The following ECHDC3 variants were observed in gnomAD, a reference collection of about 807,000 sequenced individuals.
ECHDC3 encodes the protein enoyl-CoA hydratase domain containing 3.
Under a neutral mutation model 17.9 loss-of-function variants are expected in ECHDC3, and 20 were observed. That is an observed-to-expected ratio of 1.12 (90% CI 0.79 to 1.63). The LOEUF is 1.63. Ranked by LOEUF, ECHDC3 falls within the 40% of genes most tolerant of loss-of-function variation. The probability of loss-of-function intolerance (pLI) is 0.00; values close to 1 mark genes in which losing one functional copy is unlikely to be tolerated. For synonymous variants in ECHDC3, 177 were observed against 149.7 expected, an observed-to-expected ratio of 1.18 and a Z score of -1.33; for missense variants, 407 against 357.7, an observed-to-expected ratio of 1.14 and a Z score of -1.11.
rs201298433 is a variant in ECHDC3 at position 11,747,384 on chromosome 10, C to G, written c.206C>G (p.Ala69Gly). 2.5e-5 allele frequency: 40 copies of G among 1,614,006 alleles called. No homozygotes were observed. The East Asian group carries it at 8.5e-4, about 34-fold the overall frequency. The change falls in exon 2 of 5, where the codon GCG becomes GGG. Residue 69 changes from alanine to glycine, a missense_variant. By Grantham distance (60) the Ala-to-Gly change is moderately conservative. Coordinates refer to ENST00000379215, the MANE Select transcript of ECHDC3 (RefSeq NM_024693.5). ...IVLSNPKKRN[A>G]LSLAMLKSLQ... is the part of the protein sequence containing the mutation. ...TTGAGCAATCCCAAGAAGAGGAACG[C>G]GTTGTCACTTGCAATGCTGAAGTCT... is the stretch of plus-strand genomic sequence containing the variant.
At chr10:11,745,031 G>A (rs935991530) in intron 1 of ECHDC3, among the ~76,000 whole-genome samples, 9 of 152,230 alleles carry the variant, frequency 5.9e-5, no homozygotes, top group Non-Finnish European at 8.8e-5. Context: ...AAGAAGGACC[G>A]ACCAGAGAAG....
At chr10:11,747,269 CTAAAT>C (rs1219402924) in intron 1 of ECHDC3, 75 bp from the exon 2 acceptor site, 4 of 1,561,696 alleles carry the variant, frequency 2.6e-6, no homozygotes, top group Non-Finnish European at 3.5e-6. Flanking sequence ...AAAATACCTC[CTAAAT>C]TAGACAGGAA....
intron 4 of ECHDC3, among the ~76,000 whole-genome samples, chr10:11,758,812 T>TGC (rs1422961206): frequency 6.6e-6 from 1 of 152,246 alleles, no homozygotes; most frequent in East Asian, 1.9e-4. Flanking sequence ...TGTGTGTGTG[T>TGC]GCACAAGTAT....
At chr10:11,742,903 C>A in intron 1 of ECHDC3, 157 bp downstream of exon 1, 1 of 879,676 alleles carries the variant, frequency 1.1e-6, no homozygotes, top group Non-Finnish European at 1.5e-6. Context: ...GCGAGACGCG[C>A]AGGTGGGATT....
At chr10:11,755,864 A>C in intron 4 of ECHDC3, 2 of 449,554 alleles carry the variant, frequency 4.4e-6, no homozygotes, top group South Asian at 3.5e-5. Context: ...CATCATGCGT[A>C]CCCTCAGTAC....
At chr10:11,757,984 T>C (rs1588465372) in intron 4 of ECHDC3, among the ~76,000 whole-genome samples, 1 of 150,522 alleles carries the variant, frequency 6.6e-6, no homozygotes, top group African/African-American at 2.4e-5. Context: ...TTTTGGGGGG[T>C]GGGTGCGTGT....
rs144481528 is a variant in ECHDC3, at chr10:11,755,555, G to T, written c.538G>T (p.Gly180Trp). Residue 180 changes from glycine to tryptophan, a missense_variant, in exon 4 of 5, where the codon GGG becomes TGG. By Grantham distance (184) the Gly-to-Trp change is radical (BLOSUM62 -2). Transcript: ENST00000379215. ...SSFATPGVNV[G>W]LFCSTPGVAL... Reference sequence around the variant, plus strand: ...TTTTGCCACTCCTGGGGTGAACGTCGGGCTCTTCTGTTCTACCCCTGGGGT... The same window carrying T: ...TTTTGCCACTCCTGGGGTGAACGTCTGGCTCTTCTGTTCTACCCCTGGGGT... 1 of 1,613,926 alleles carries T rather than the reference G, an allele frequency of 6.2e-7. No homozygotes were observed. The highest frequency in any genetic ancestry group is 8.5e-7 in the Non-Finnish European group (1 of 1,179,964).
intron 3 of ECHDC3, among the ~76,000 whole-genome samples, chr10:11,754,520 C>G (rs967926863): frequency 6.6e-6 from 1 of 152,032 alleles, no homozygotes. Context: ...ACAGCAGAGT[C>G]CCCCCACCCC....
intron 1 of ECHDC3, among the ~76,000 whole-genome samples, chr10:11,743,426 A>G (rs1482892354): frequency 2.6e-5 from 4 of 152,276 alleles, no homozygotes; most frequent in South Asian, 2.1e-4. Context: ...GATAATCCTC[A>G]GATGACCAGG....
rs866713030 is a variant in ECHDC3 at position 11,743,796 on chromosome 10, T to C, written c.170+1050T>C. On this transcript the variant is annotated intron_variant, in intron 1 of 4. Transcript: ENST00000379215. ...TTCTTGCCCATTGCTAAGTTTCTGC[T>C]TCTGTAAATCTGGTCACATCTGGTT... Among the ~76,000 whole-genome samples, 6 of 152,258 alleles carry C rather than the reference T, an allele frequency of 3.9e-5. No individual in the cohort carries two copies. In the South Asian group the frequency reaches 1.2e-3, roughly 31 times the overall value.
At chr10:11,759,053 T>A (rs1832916225) in intron 4 of ECHDC3, among the ~76,000 whole-genome samples, 1 of 152,174 alleles carries the variant, frequency 6.6e-6, no homozygotes, top group Non-Finnish European at 1.5e-5. Context: ...GATCAGTGAC[T>A]TTATGAAAAC....
chr10:11,760,250 C>T (rs1268887566), intron 4 of ECHDC3, among the ~76,000 whole-genome samples: 1 of 152,196 alleles, frequency 6.6e-6, no homozygotes, highest in Non-Finnish European at 1.5e-5. Context: ...TGAGAAATGG[C>T]TTGCTCAGAG....
At chr10:11,759,444 G>T (rs973145133) in intron 4 of ECHDC3, among the ~76,000 whole-genome samples, 3 of 151,612 alleles carry the variant, frequency 2.0e-5, no homozygotes, top group Non-Finnish European at 4.4e-5. Flanking sequence ...CAGCTAGAAG[G>T]CCCCGTTTAC....
intron 3 of ECHDC3, 142 bp from the exon 4 acceptor site, chr10:11,755,266 C>T: frequency 2.9e-6 from 2 of 689,030 alleles, no homozygotes; most frequent in East Asian, 2.9e-5. Flanking sequence ...GAAGAGGTTG[C>T]AGTGAGCCAG....
intron 4 of ECHDC3, 189 bp downstream of exon 4, chr10:11,755,797 G>C: frequency 1.8e-6 from 1 of 554,334 alleles, no homozygotes; most frequent in African/African-American, 1.9e-5. Flanking sequence ...CCGACCGCCT[G>C]CCTGTTCCTC....
intron 3 of ECHDC3, among the ~76,000 whole-genome samples, chr10:11,754,540 A>G (rs1832864420): frequency 6.6e-6 from 1 of 152,214 alleles, no homozygotes; most frequent in Non-Finnish European, 1.5e-5. Flanking sequence ...CCATTTTAAT[A>G]GAATTGGGAG....
rs144733623 is a variant in ECHDC3 at position 11,743,142 on chromosome 10, G to T, written c.170+396G>T. On this transcript the variant is annotated intron_variant, in intron 1 of 4. Transcript: ENST00000379215. ...AATAGGACAAAGTGCACAGCTTCCT[G>T]AGCGCTGCCCTTGTGGCTACGGGCC... Among the ~76,000 whole-genome samples the T allele has an allele frequency of 2.6e-3, 391 of 152,322 alleles. 13 individuals carry two copies. The East Asian group carries it at 0.059, about 23-fold the overall frequency.
intron 3 of ECHDC3, among the ~76,000 whole-genome samples, chr10:11,753,961 A>C (rs1029788783): frequency 1.3e-5 from 2 of 151,732 alleles, no homozygotes. Flanking sequence ...CTTTTTTTTT[A>C]GTAGAGACAG....
intron 2 of ECHDC3, among the ~76,000 whole-genome samples, chr10:11,748,601 A>C (rs1354625486): frequency 6.6e-6 from 1 of 152,104 alleles, no homozygotes; most frequent in Non-Finnish European, 1.5e-5. Context: ...AGATAACTAC[A>C]ACAGCCAGGC....
Sources: gnomAD v4.1 joint callset for allele counts (sites outside exome capture counted in the v4.1 genomes callset) on GRCh38, gnomAD v4.1.1 for gene constraint, MANE v1.5 for transcripts, NCBI Gene and HGNC (gene_info 2026-07-23, HGNC 2026-07-21) for gene names.